Variants in STX3 observed in about 807,000 individuals in gnomAD.
STX3 encodes the protein syntaxin 3.
Under a neutral mutation model 40.2 loss-of-function variants are expected in STX3, and 19 were observed. The observed-to-expected ratio is 0.47, with a 90% CI of 0.33 to 0.69. The LOEUF is 0.69. STX3 is among the 30% of genes least tolerant of loss of function. The probability of loss-of-function intolerance (pLI) is 0.02; values close to 1 mark genes in which losing one functional copy is unlikely to be tolerated. For missense variants in STX3, 364 were observed against 366.7 expected, an observed-to-expected ratio of 0.99 and a Z score of 0.06; for synonymous variants, 122 against 132.2, an observed-to-expected ratio of 0.92 and a Z score of 0.53.
At chr11:59,761,703 G>A (rs944045425) in intron 1 of STX3, among the ~76,000 whole-genome samples, 1 of 151,926 alleles carries the variant, frequency 6.6e-6, no homozygotes, top group Non-Finnish European at 1.5e-5. Flanking sequence ...ACTTTCCCCA[G>A]TCTCCATCTG....
At chr11:59,756,548 T>C (rs999391922) in intron 1 of STX3, among the ~76,000 whole-genome samples, 4 of 152,160 alleles carry the variant, frequency 2.6e-5, no homozygotes, top group Non-Finnish European at 5.9e-5. Flanking sequence ...TCCATCTACT[T>C]TGGAGCTTGT....
At chr11:59,758,024 A>G (rs898877841) in intron 1 of STX3, among the ~76,000 whole-genome samples, 5 of 152,174 alleles carry the variant, frequency 3.3e-5, no homozygotes, top group African/African-American at 4.8e-5. Context: ...AGCCTATGCA[A>G]TCTCTTTCTG....
At chr11:59,772,460 T>C (rs374173960) in intron 1 of STX3, among the ~76,000 whole-genome samples, 73 of 152,312 alleles carry the variant, frequency 4.8e-4, no homozygotes, top group African/African-American at 1.6e-3. Context: ...TCCTCTTTCT[T>C]ATAAACAGGA....
intron 1 of STX3, among the ~76,000 whole-genome samples, chr11:59,770,142 A>ATG (rs1027240892): frequency 5.5e-5 from 8 of 144,382 alleles, no homozygotes; most frequent in Non-Finnish European, 1.2e-4. Context: ...CGTGTGCAGC[A>ATG]TGTGTGTATA....
chr11:59,792,270 C>G (rs1865229562), intron 6 of STX3, 55 bp downstream of exon 6: 10 of 1,519,868 alleles, frequency 6.6e-6, no homozygotes, highest in Non-Finnish European at 9.1e-6. Flanking sequence ...CCTGGTTGTC[C>G]ATCCCAAGTT....
chr11:59,793,420 T>C lies in STX3; in HGVS notation c.581T>C (p.Ile194Thr). The C allele has an allele frequency of 6.2e-7, 1 of 1,614,100 alleles. No individual in the cohort carries two copies. Among genetic ancestry groups the C allele is most frequent in the Middle Eastern group, 1.6e-4 (1 of 6,062 alleles). The change falls in exon 8 of 11, where the codon ATT becomes ACT. Residue 194 changes from isoleucine (I) to threonine (T), a missense_variant. Transcript: ENST00000337979. ...ATTTCCAAGCAAGCCCTCAGTGAGA[T>C]TGAGGGACGACACAAGGACATTGTG... is the stretch of plus-strand genomic sequence containing the variant. ...SQISKQALSEIEGRHKDIVRL... is the reference protein window; with the variant it reads ...SQISKQALSETEGRHKDIVRL...
chr11:59,767,371 T>G (rs1046867558), intron 1 of STX3, among the ~76,000 whole-genome samples: 3 of 152,238 alleles, frequency 2.0e-5, no homozygotes, highest in Admixed American at 6.5e-5. Flanking sequence ...ACTGTAATGT[T>G]CCTATTACCA....
chr11:59,779,965 T>C (rs998775729), intron 2 of STX3, among the ~76,000 whole-genome samples: 47 of 152,210 alleles, frequency 3.1e-4, no homozygotes, highest in Admixed American at 2.9e-3. Context: ...TGGATGACAA[T>C]GACCTACCAG....
rs1865970370 is a variant in STX3 at position 59,803,397 on chromosome 11, G to A, written c.*2573G>A. On this transcript the variant is annotated 3_prime_UTR_variant, in exon 11 of 11. Coordinates refer to ENST00000337979, the MANE Select transcript of STX3 (RefSeq NM_004177.5). ...GGTGCCTTAATCTGGGTGGGATTAGGTGCTAATAATGGTTAGAGAAAACTA... is the reference window on the plus strand; with the variant it reads ...GGTGCCTTAATCTGGGTGGGATTAGATGCTAATAATGGTTAGAGAAAACTA... 1.4e-6 allele frequency: 1 copy of A among 692,252 alleles called. No homozygotes were observed. Among genetic ancestry groups the A allele is most frequent in the Non-Finnish European group, 2.0e-6 (1 of 496,028 alleles). The allele number at this position is 692,252 out of a possible 1,614,324, so 42.9% of individuals were successfully genotyped here. A position where few individuals can be genotyped will look rare whatever the true frequency, so the allele number is the denominator to read the frequency against.
chr11:59,791,192 C>A (rs554243456), intron 5 of STX3, among the ~76,000 whole-genome samples: 9 of 152,084 alleles, frequency 5.9e-5, no homozygotes, highest in Non-Finnish European at 1.2e-4. Flanking sequence ...GAGTGAGGCA[C>A]GCACATATGT....
intron 9 of STX3, chr11:59,795,819 G>A (rs547756820): frequency 6.9e-5 from 66 of 957,722 alleles, no homozygotes; most frequent in Middle Eastern, 6.3e-4. Flanking sequence ...CCTCCCTGTC[G>A]TAGCCTCATC....
chr11:59,789,009 G>T, intron 4 of STX3, 62 bp downstream of exon 4: 1 of 1,476,340 alleles, frequency 6.8e-7, no homozygotes, highest in South Asian at 1.2e-5. Flanking sequence ...CTCCCCTAGG[G>T]TCCAGCTTTC....
At chr11:59,774,206 C>G (rs1345338149) in intron 2 of STX3, among the ~76,000 whole-genome samples, 3 of 152,164 alleles carry the variant, frequency 2.0e-5, no homozygotes, top group Non-Finnish European at 2.9e-5. Context: ...GATGAAAACA[C>G]TGGCTTTCGA....
intron 9 of STX3, chr11:59,795,727 C>T: frequency 6.5e-7 from 1 of 1,532,636 alleles, no homozygotes; most frequent in Non-Finnish European, 8.7e-7. Flanking sequence ...GCACCTTCAT[C>T]TCAACTGTCC....
intron 2 of STX3, among the ~76,000 whole-genome samples, chr11:59,779,343 G>C (rs1225470196): frequency 6.6e-6 from 1 of 152,160 alleles, no homozygotes; most frequent in Non-Finnish European, 1.5e-5. Context: ...TCCTTACAGG[G>C]TGGAAAGAGC....
chr11:59,786,896 G>T (rs1471692633), intron 2 of STX3, 141 bp from the exon 3 acceptor site: 1 of 659,674 alleles, frequency 1.5e-6, no homozygotes, highest in Non-Finnish European at 2.7e-6. Context: ...TCACTGGGCA[G>T]CTGAGGACTT....
At position 59,802,650 on chromosome 11, in the gene STX3, A is replaced by T; in HGVS notation, c.*1826A>T. On this transcript the variant is annotated 3_prime_UTR_variant, in exon 11 of 11. Transcript: ENST00000337979. Reference sequence around the variant, plus strand: ...TGTTGTTTGTATTTTTTAGATGTAAACTTGATTATTTTATTGCTAATTTAA... The same window carrying T: ...TGTTGTTTGTATTTTTTAGATGTAATCTTGATTATTTTATTGCTAATTTAA... The T allele has an allele frequency of 1.0e-6, 1 of 985,746 alleles. No individual in the cohort carries two copies. Among genetic ancestry groups the T allele is most frequent in the South Asian group, 4.7e-5 (1 of 21,284 alleles). The allele number at this position is 985,746 out of a possible 1,614,324, so 61.1% of individuals were successfully genotyped here. A position where few individuals can be genotyped will look rare whatever the true frequency, so the allele number is the denominator to read the frequency against.
chr11:59,795,229 G>A lies in STX3; in HGVS notation c.676-143G>A, dbSNP rs996011377. ...ACCCCACCACCAAGGACTGTGAATG[G>A]GTGTCCTATGGAAGGCCATGCATCA... On this transcript the variant is annotated intron_variant, in intron 8 of 10. Coordinates refer to ENST00000337979, the MANE Select transcript of STX3 (RefSeq NM_004177.5). The A allele has an allele frequency of 9.3e-6, 6 of 648,546 alleles. No homozygotes were observed. In the African/African-American group the frequency reaches 1.1e-4, roughly 12 times the overall value. 40.2% of individuals were successfully genotyped at this position (648,546 alleles called of 1,614,324 possible). A position where few individuals can be genotyped will look rare whatever the true frequency, so the allele number is the denominator to read the frequency against.
Position 59,777,290 on chromosome 11 carries a change from G to T in STX3, c.114+3996G>T, listed in dbSNP as rs528593. 5.6e-3 allele frequency among the ~76,000 whole-genome samples: 850 copies of T among 152,300 alleles called. 11 individuals carry two copies. Among genetic ancestry groups the T allele is most frequent in the African/African-American group, 0.019 (794 of 41,564 alleles). ...GAGTTTTTTGCACATACACATACCT[G>T]ATTCTTAGGGACTGGAATGGCTCAG... On this transcript the variant is annotated intron_variant, in intron 2 of 10. Transcript: ENST00000337979.
Sources: allele counts gnomAD v4.1 joint callset (sites outside exome capture counted in the v4.1 genomes callset), GRCh38; gene constraint gnomAD v4.1.1; transcripts MANE v1.5; gene names NCBI Gene and HGNC (gene_info 2026-07-23, HGNC 2026-07-21).